VDAC1: variants seen among roughly 807,000 people sequenced by gnomAD.
VDAC1 encodes the protein non-selective voltage-gated ion channel VDAC1.
Under a neutral mutation model 34.7 loss-of-function variants are expected in VDAC1, and 10 were observed. The ratio of observed to expected loss-of-function variants is 0.29; its 90% confidence interval spans 0.18 to 0.49. The LOEUF is 0.49. Among genes scored for constraint, VDAC1 ranks in the 20% least tolerant of loss-of-function variants. The pLI, the probability that VDAC1 is intolerant of heterozygous loss-of-function variation, is 0.99. For synonymous variants in VDAC1, 130 were observed against 136.0 expected (o/e 0.96, Z 0.30); for missense variants, 230 against 347.9 (o/e 0.66, Z 2.69).
intron 1 of VDAC1, among the ~76,000 whole-genome samples, chr5:134,001,423 GCAGA>G (rs1420363716): frequency 1.3e-5 from 2 of 152,020 alleles, no homozygotes; most frequent in Admixed American, 6.6e-5. Flanking sequence ...TACTTTTATA[GCAGA>G]CAAACTCGGC....
At chr5:134,033,896 G>A in the VDAC1 span, among the ~76,000 whole-genome samples, 3 of 151,948 alleles carry the variant, frequency 2.0e-5, no homozygotes, top group African/African-American at 7.3e-5. Context: ...GGAGGCTGAG[G>A]CAGGAGAACG....
At chr5:134,040,686 T>C in the VDAC1 span, among the ~76,000 whole-genome samples, 1 of 152,068 alleles carries the variant, frequency 6.6e-6, no homozygotes, top group African/African-American at 2.4e-5. Context: ...AATATCGTAC[T>C]GCTGCACTCC....
the VDAC1 span, among the ~76,000 whole-genome samples, chr5:134,055,586 A>ATGTTTT: frequency 1.5e-4 from 9 of 60,080 alleles, no homozygotes; most frequent in African/African-American, 9.7e-4. Context: ...CGCCCCGCTA[A>ATGTTTT]TGTTTTTTTT....
chr5:133,996,661 G>A (rs566564894), intron 1 of VDAC1, among the ~76,000 whole-genome samples: 12 of 151,566 alleles, frequency 7.9e-5, no homozygotes, highest in East Asian at 7.8e-4. Flanking sequence ...AAAAAGTTAC[G>A]TATATAAAGA....
the VDAC1 span, among the ~76,000 whole-genome samples, chr5:134,021,876 ATTTTT>A: frequency 7.5e-6 from 1 of 133,230 alleles, no homozygotes; most frequent in Non-Finnish European, 1.6e-5. Flanking sequence ...AAAGCCTGTG[ATTTTT>A]TTTTTTTTTT....
At chr5:134,017,982 C>T in the VDAC1 span, among the ~76,000 whole-genome samples, 6 of 152,198 alleles carry the variant, frequency 3.9e-5, no homozygotes, top group African/African-American at 1.2e-4. Flanking sequence ...AGGTGACTGA[C>T]GTAGATGGGC....
intron 2 of VDAC1, among the ~76,000 whole-genome samples, chr5:133,992,590 G>T (rs1172912050): frequency 2.0e-5 from 3 of 152,240 alleles, no homozygotes; most frequent in Non-Finnish European, 4.4e-5. Context: ...AGCAGGGTCT[G>T]ATAAGAAGAC....
chr5:134,048,658 C>A, the VDAC1 span, among the ~76,000 whole-genome samples: 2 of 152,146 alleles, frequency 1.3e-5, no homozygotes, highest in African/African-American at 4.8e-5. Flanking sequence ...AAACACCACC[C>A]AATGCCCTCA....
the VDAC1 span, among the ~76,000 whole-genome samples, chr5:134,085,816 G>A: frequency 6.6e-6 from 1 of 151,288 alleles, no homozygotes; most frequent in African/African-American, 2.4e-5. Flanking sequence ...GCTGAGATGG[G>A]AGGATCACTT....
At chr5:134,066,644 TC>T in the VDAC1 span, among the ~76,000 whole-genome samples, 1 of 152,210 alleles carries the variant, frequency 6.6e-6, no homozygotes, top group Non-Finnish European at 1.5e-5. Flanking sequence ...CACAAAATTA[TC>T]GGGGGCCCAG....
intron 5 of VDAC1, among the ~76,000 whole-genome samples, chr5:133,983,024 C>T (rs1388631136): frequency 6.6e-6 from 1 of 151,074 alleles, no homozygotes; most frequent in Non-Finnish European, 1.5e-5. Context: ...CTGGGGCAGG[C>T]GGATCACCTG....
chr5:134,079,951 T>A, the VDAC1 span, among the ~76,000 whole-genome samples: 26 of 152,214 alleles, frequency 1.7e-4, no homozygotes, highest in African/African-American at 6.0e-4. Flanking sequence ...AAGCTCTGAG[T>A]AATGCTGAAT....
chr5:134,017,079 C>G, the VDAC1 span, among the ~76,000 whole-genome samples: 1 of 152,348 alleles, frequency 6.6e-6, no homozygotes, highest in East Asian at 1.9e-4. Flanking sequence ...TTCAATCTAC[C>G]TTCCCTGCCA....
At chr5:134,076,296 C>T in the VDAC1 span, among the ~76,000 whole-genome samples, 6 of 152,194 alleles carry the variant, frequency 3.9e-5, no homozygotes, top group African/African-American at 1.2e-4. Flanking sequence ...ACCTTGATAA[C>T]TCCTATGCAC....
the VDAC1 span, among the ~76,000 whole-genome samples, chr5:134,042,431 T>C: frequency 1.3e-5 from 2 of 152,170 alleles, no homozygotes; most frequent in Non-Finnish European, 2.9e-5. Flanking sequence ...CCGTGGTAAC[T>C]TCTAGCCAGT....
the VDAC1 span, among the ~76,000 whole-genome samples, chr5:134,091,043 C>T: frequency 1.3e-5 from 2 of 152,160 alleles, no homozygotes; most frequent in Non-Finnish European, 2.9e-5. Context: ...CCACGGAACA[C>T]TATGCAAGTT....
the VDAC1 span, among the ~76,000 whole-genome samples, chr5:134,060,741 T>C: frequency 1.3e-5 from 2 of 151,698 alleles, no homozygotes; most frequent in Non-Finnish European, 2.9e-5. Context: ...ATTTTGAAAT[T>C]ATACCTATAA....
At chr5:134,092,598 C>T in the VDAC1 span, among the ~76,000 whole-genome samples, 5 of 151,794 alleles carry the variant, frequency 3.3e-5, no homozygotes, top group African/African-American at 4.8e-5. Flanking sequence ...ATCGCTTGAA[C>T]CCAGGAGGCA....
chr5:134,075,025 G>A, the VDAC1 span, among the ~76,000 whole-genome samples: 1 of 152,116 alleles, frequency 6.6e-6, no homozygotes, highest in African/African-American at 2.4e-5. Flanking sequence ...CTCTCAGCAG[G>A]CCACAGAGCT....
Sources: gnomAD v4.1 joint callset for allele counts (sites outside exome capture counted in the v4.1 genomes callset) on GRCh38, gnomAD v4.1.1 for gene constraint, MANE v1.5 for transcripts, NCBI Gene and HGNC (gene_info 2026-07-23, HGNC 2026-07-21) for gene names.